Variants in BCAS1 observed in about 807,000 individuals in gnomAD.
The protein encoded by BCAS1 is breast carcinoma-amplified sequence 1.
In BCAS1, 46 loss-of-function variants were observed where a neutral mutation model predicts 65.4. The ratio of observed to expected loss-of-function variants is 0.70; its 90% confidence interval spans 0.55 to 0.90. The LOEUF (loss-of-function observed/expected upper bound fraction) is 0.90, where lower values mean the gene tolerates loss of function less well. Ranked by LOEUF, BCAS1 falls within the 40% of genes least tolerant of loss-of-function variation. The probability of loss-of-function intolerance (pLI) is 0.00; values close to 1 mark genes in which losing one functional copy is unlikely to be tolerated. For missense variants in BCAS1, 793 were observed against 771.2 expected (o/e 1.03, Z -0.33); for synonymous variants, 298 against 293.5 (o/e 1.02, Z -0.16).
chr20:53,966,105 G>A (rs1238872515), intron 10 of BCAS1, among the ~76,000 whole-genome samples: 6 of 152,218 alleles, frequency 3.9e-5, no homozygotes, highest in Admixed American at 6.5e-5. Flanking sequence ...TCCACTATTC[G>A]ATCCAGCAAT....
intron 8 of BCAS1, among the ~76,000 whole-genome samples, chr20:53,984,478 C>A (rs1239314370): frequency 6.6e-6 from 1 of 152,206 alleles, no homozygotes; most frequent in Admixed American, 6.5e-5. Flanking sequence ...ACCACAGTGG[C>A]ATCTGCATTC....
intron 3 of BCAS1, among the ~76,000 whole-genome samples, chr20:54,035,400 C>CAAAA (rs1288429763): frequency 2.4e-4 from 15 of 62,010 alleles, no homozygotes; most frequent in East Asian, 7.3e-4. Flanking sequence ...GACTCCGTCT[C>CAAAA]AAAAAAAAAA....
intron 6 of BCAS1, 133 bp downstream of exon 6, chr20:53,994,879 T>G (rs2090860241): frequency 3.7e-6 from 2 of 539,882 alleles, no homozygotes; most frequent in South Asian, 8.0e-5. Context: ...TAATTATATA[T>G]AGATATGATA....
chr20:54,065,158 ATCTATCATCTACTTT>A (rs2146369587), intron 1 of BCAS1, among the ~76,000 whole-genome samples: 1 of 128,556 alleles, frequency 7.8e-6, no homozygotes, highest in East Asian at 2.7e-4. Context: ...CTATCTATCT[ATCTATCATCTACTTT>A]ATCTATCTAT....
intron 4 of BCAS1, among the ~76,000 whole-genome samples, chr20:54,025,967 T>C (rs1315720375): frequency 6.6e-6 from 1 of 152,238 alleles, no homozygotes; most frequent in African/African-American, 2.4e-5. Context: ...TGAATATCCA[T>C]AAGTTCACAG....
chr20:53,996,786 C>A (rs1031855779), intron 4 of BCAS1, among the ~76,000 whole-genome samples: 12 of 152,308 alleles, frequency 7.9e-5, no homozygotes, highest in African/African-American at 2.9e-4. Flanking sequence ...TTACCACCCT[C>A]CAGTAGCTTC....
At chr20:54,036,905 A>G (rs1179839077) in intron 3 of BCAS1, among the ~76,000 whole-genome samples, 1 of 151,372 alleles carries the variant, frequency 6.6e-6, no homozygotes, top group African/African-American at 2.4e-5. Context: ...TGGGCCAGGC[A>G]AGTTTCAGAA....
At chr20:54,067,764 G>C (rs995619094) in intron 1 of BCAS1, among the ~76,000 whole-genome samples, 1 of 152,130 alleles carries the variant, frequency 6.6e-6, no homozygotes, top group Non-Finnish European at 1.5e-5. Flanking sequence ...TTGAATGGGA[G>C]GGGGGGTGGT....
chr20:54,059,824 G>A (rs1406983152), intron 1 of BCAS1, among the ~76,000 whole-genome samples: 1 of 152,182 alleles, frequency 6.6e-6, no homozygotes, highest in Non-Finnish European at 1.5e-5. Flanking sequence ...TAAATACATA[G>A]TATTATAATG....
intron 4 of BCAS1, among the ~76,000 whole-genome samples, chr20:54,017,100 T>C (rs542922391): frequency 1.3e-5 from 2 of 152,288 alleles, no homozygotes; most frequent in South Asian, 4.1e-4. Flanking sequence ...TTGTCTGTTG[T>C]TCACATAGGG....
intron 10 of BCAS1, among the ~76,000 whole-genome samples, chr20:53,965,560 T>C (rs2090004633): frequency 6.6e-6 from 1 of 152,206 alleles, no homozygotes; most frequent in African/African-American, 2.4e-5. Context: ...AAACAGTAAA[T>C]ATATCTATCA....
At position 54,067,923 on chromosome 20, in the gene BCAS1, A is replaced by G. The variant is rs148596552; in HGVS notation, c.-6+2510T>C. On this transcript the variant is annotated intron_variant, in intron 1 of 12. Coordinates refer to ENST00000688948, the MANE Select transcript of BCAS1 (RefSeq NM_001366298.2). ...TGGCCAGGCTGGCACACCCAGCAGA[A>G]CCAGCCCTCTGCCCCCAACATCAGT... Among the ~76,000 whole-genome samples, 691 of 152,352 alleles carry G rather than the reference A, an allele frequency of 4.5e-3. 12 individuals carry two copies. The highest frequency in any genetic ancestry group is 0.016 in the African/African-American group (675 of 41,588).
At chr20:54,038,032 GC>G (rs2146182411) in intron 3 of BCAS1, among the ~76,000 whole-genome samples, 1 of 151,070 alleles carries the variant, frequency 6.6e-6, no homozygotes, top group South Asian at 2.1e-4. Context: ...CCAAAGAAGG[GC>G]CTCACAAAAT....
intron 3 of BCAS1, among the ~76,000 whole-genome samples, chr20:54,036,943 A>G (rs184875483): frequency 6.6e-6 from 1 of 151,462 alleles, no homozygotes; most frequent in East Asian, 1.9e-4. Flanking sequence ...AGTACCAAAT[A>G]TTCTCGTCAA....
chr20:54,048,425 T>A (rs1021557780), intron 3 of BCAS1, among the ~76,000 whole-genome samples: 5 of 152,116 alleles, frequency 3.3e-5, no homozygotes, highest in African/African-American at 1.2e-4. Flanking sequence ...GGCCATGTGA[T>A]GTAGCTCTGG....
At chr20:54,024,523 G>A (rs778559341) in intron 4 of BCAS1, among the ~76,000 whole-genome samples, 2 of 152,150 alleles carry the variant, frequency 1.3e-5, no homozygotes, top group East Asian at 1.9e-4. Flanking sequence ...GATGGATCCC[G>A]GCTAGAGATG....
chr20:54,013,668 G>A (rs1352917216), intron 4 of BCAS1, among the ~76,000 whole-genome samples: 1 of 152,174 alleles, frequency 6.6e-6, no homozygotes. Flanking sequence ...GGTTAATAGC[G>A]AAAGTCTGGA....
chr20:54,046,542 A>AG (rs2092110494), intron 3 of BCAS1, among the ~76,000 whole-genome samples: 1 of 149,232 alleles, frequency 6.7e-6, no homozygotes, highest in South Asian at 2.1e-4. Flanking sequence ...AAAAAAAAAA[A>AG]AAAAAAGAAT....
intron 4 of BCAS1, among the ~76,000 whole-genome samples, chr20:54,026,166 T>C (rs1459915769): frequency 6.6e-6 from 1 of 152,218 alleles, no homozygotes; most frequent in African/African-American, 2.4e-5. Context: ...GGAAGACAGT[T>C]ACAATTCTTG....
Sources: allele counts gnomAD v4.1 joint callset (sites outside exome capture counted in the v4.1 genomes callset), GRCh38; gene constraint gnomAD v4.1.1; transcripts MANE v1.5; gene names NCBI Gene and HGNC (gene_info 2026-07-23, HGNC 2026-07-21).